SHQ1: variants seen among roughly 807,000 people sequenced by gnomAD.
SHQ1 encodes protein SHQ1 homolog.
A neutral mutation model predicts 53.8 loss-of-function variants in SHQ1; 49 were observed. The observed-to-expected ratio is 0.91, with a 90% confidence interval of 0.72 to 1.16. SHQ1 has a LOEUF of 1.16. Ranked by LOEUF, SHQ1 falls within the 50% of genes most tolerant of loss-of-function variation. The pLI, the probability that SHQ1 is intolerant of heterozygous loss-of-function variation, is 0.00. For synonymous variants in SHQ1, 243 were observed against 251.0 expected (o/e 0.97, Z 0.30); for missense variants, 738 against 683.1 (o/e 1.08, Z -0.90).
At chr3:72,811,154 C>A (rs2106853081) in intron 9 of SHQ1, among the ~76,000 whole-genome samples, 1 of 152,144 alleles carries the variant, frequency 6.6e-6, no homozygotes, top group African/African-American at 2.4e-5. Context: ...TAAAAAGTAA[C>A]AAGCAATAGT....
chr3:72,772,458 C>T, intron 10 of SHQ1: 1 of 444,730 alleles, frequency 2.2e-6, no homozygotes, highest in Non-Finnish European at 4.2e-6. Context: ...GTCAGATGTT[C>T]ACTCATCTGG....
chr3:72,848,166 G>C (rs1173109811), intron 1 of SHQ1, 32 bp downstream of exon 1: 10 of 1,613,302 alleles, frequency 6.2e-6, no homozygotes, highest in Middle Eastern at 1.6e-4. Flanking sequence ...TAACGAATGC[G>C]CCTTTCCTGC....
intron 4 of SHQ1, among the ~76,000 whole-genome samples, chr3:72,837,984 C>G (rs1293355563): frequency 2.0e-5 from 3 of 152,356 alleles, no homozygotes; most frequent in Non-Finnish European, 4.4e-5. Flanking sequence ...GCTGCACACG[C>G]AGTGCTCAGC....
chr3:72,750,666 C>T lies in SHQ1; in HGVS notation c.1352G>A (p.Ser451Asn). The change falls in exon 11 of 11, where the codon AGC (serine) becomes AAC (asparagine). Residue 451 changes from serine to asparagine, a missense_variant. Ser to Asn is a conservative substitution (Grantham distance 46). Transcript: ENST00000325599. ...SVSGQQTLCSSSEASDSEDSD... is the reference protein window; with the variant it reads ...SVSGQQTLCSNSEASDSEDSD... ...GTCCTCCGAATCACTTGCCTCAGAG[C>T]TGGAGCAAAGTGTCTGCTGCCCAGA... The T allele has an allele frequency of 1.2e-6, 2 of 1,612,154 alleles. No individual in the cohort carries two copies. Among genetic ancestry groups the T allele is most frequent in the South Asian group, 2.2e-5 (2 of 90,876 alleles).
At chr3:72,798,913 G>C (rs1403209467) in intron 9 of SHQ1, among the ~76,000 whole-genome samples, 3 of 152,168 alleles carry the variant, frequency 2.0e-5, no homozygotes, top group Non-Finnish European at 2.9e-5. Flanking sequence ...GGTTTTCTGG[G>C]TATCTATTCT....
At chr3:72,804,604 A>G (rs1160746084) in intron 9 of SHQ1, among the ~76,000 whole-genome samples, 1 of 152,232 alleles carries the variant, frequency 6.6e-6, no homozygotes, top group African/African-American at 2.4e-5. Flanking sequence ...CAATTCTGTT[A>G]TACTCCCTTG....
intron 10 of SHQ1, chr3:72,753,419 T>C: frequency 2.0e-6 from 2 of 985,384 alleles, no homozygotes; most frequent in Admixed American, 6.1e-5. Context: ...GTACCTGAAA[T>C]GCTATTTCTC....
At chr3:72,750,985 T>TA (rs373629525) in intron 10 of SHQ1, 149 bp from the exon 11 acceptor site, 1 of 601,086 alleles carries the variant, frequency 1.7e-6, no homozygotes, top group Non-Finnish European at 2.7e-6. Flanking sequence ...GATATTTATG[T>TA]AAAAAATGAA....
intron 10 of SHQ1, chr3:72,753,158 T>G: frequency 1.0e-6 from 1 of 985,340 alleles, no homozygotes; most frequent in Non-Finnish European, 1.2e-6. Flanking sequence ...TGAAGAAAGG[T>G]GACAGTGAGT....
intron 2 of SHQ1, among the ~76,000 whole-genome samples, chr3:72,843,770 T>C (rs1203953011): frequency 6.7e-6 from 1 of 149,002 alleles, no homozygotes; most frequent in Non-Finnish European, 1.5e-5. Flanking sequence ...ACCCTTAGCC[T>C]AGTTCACTGA....
the SHQ1 span, among the ~76,000 whole-genome samples, chr3:72,742,372 C>T: frequency 2.0e-5 from 3 of 152,114 alleles, no homozygotes; most frequent in Non-Finnish European, 4.4e-5. Flanking sequence ...CATTTGAGAG[C>T]AATTGCTGCC....
At chr3:72,737,706 A>G in the SHQ1 span, among the ~76,000 whole-genome samples, 1 of 152,214 alleles carries the variant, frequency 6.6e-6, no homozygotes, top group Non-Finnish European at 1.5e-5. Context: ...GGTACTGTTT[A>G]GGGAATAATG....
chr3:72,751,508 G>GTGTGTGTATATA (rs1210782182), intron 10 of SHQ1, among the ~76,000 whole-genome samples: 1 of 116,986 alleles, frequency 8.5e-6, no homozygotes, highest in African/African-American at 4.4e-5. Flanking sequence ...GTGTGTGTGT[G>GTGTGTGTATATA]TATATATATA....
At chr3:72,823,573 A>G (rs925883687) in intron 6 of SHQ1, among the ~76,000 whole-genome samples, 3 of 152,220 alleles carry the variant, frequency 2.0e-5, no homozygotes, top group African/African-American at 7.2e-5. Context: ...ACCGGATACT[A>G]TGTAATCATG....
At chr3:72,805,989 G>C (rs1190375004) in intron 9 of SHQ1, among the ~76,000 whole-genome samples, 1 of 152,200 alleles carries the variant, frequency 6.6e-6, no homozygotes, top group African/African-American at 2.4e-5. Flanking sequence ...TAGGGGGAAA[G>C]AGATTCTATG....
the SHQ1 span, among the ~76,000 whole-genome samples, chr3:72,729,539 A>G: frequency 6.6e-6 from 1 of 152,256 alleles, no homozygotes; most frequent in African/African-American, 2.4e-5. Flanking sequence ...CGAAATAAAG[A>G]AAAAGATGCA....
chr3:72,750,888 G>A (rs1312530518), intron 10 of SHQ1, 52 bp from the exon 11 acceptor site: 1 of 1,422,582 alleles, frequency 7.0e-7, no homozygotes, highest in African/African-American at 1.4e-5. Flanking sequence ...ATTGGCCTGG[G>A]GATAACAGGT....
At chr3:72,798,157 A>C (rs987930433) in intron 9 of SHQ1, among the ~76,000 whole-genome samples, 1 of 152,190 alleles carries the variant, frequency 6.6e-6, no homozygotes, top group Non-Finnish European at 1.5e-5. Context: ...CAGGAAAGTG[A>C]CCATTTTTAG....
intron 10 of SHQ1, among the ~76,000 whole-genome samples, chr3:72,778,855 T>C (rs1225105438): frequency 6.6e-6 from 1 of 152,194 alleles, no homozygotes; most frequent in African/African-American, 2.4e-5. Context: ...TTTTCCAAAA[T>C]TAGGTTTTAT....
Sources: allele counts gnomAD v4.1 joint callset (sites outside exome capture counted in the v4.1 genomes callset), GRCh38; gene constraint gnomAD v4.1.1; transcripts MANE v1.5; gene names NCBI Gene and HGNC (gene_info 2026-07-23, HGNC 2026-07-21).